TAF5L: variants seen among roughly 807,000 people sequenced by gnomAD.
The protein encoded by TAF5L is TAF5-like RNA polymerase II p300/CBP-associated factor-associated factor 65 kDa subunit 5L.
TAF5L carries 7 observed loss-of-function variants against 51.3 expected under a neutral mutation model. The observed-to-expected ratio is 0.14, with a 90% CI of 0.08 to 0.26. TAF5L has a LOEUF of 0.26. TAF5L is among the 10% of genes least tolerant of loss of function. The probability of loss-of-function intolerance (pLI) is 1.00; values close to 1 mark genes in which losing one functional copy is unlikely to be tolerated. For missense variants in TAF5L, 575 were observed against 758.9 expected (o/e 0.76, Z 2.85); for synonymous variants, 291 against 308.1 (o/e 0.94, Z 0.58).
intron 4 of TAF5L, among the ~76,000 whole-genome samples, chr1:229,597,974 A>C (rs1287495501): frequency 6.6e-6 from 1 of 152,170 alleles, no homozygotes; most frequent in Non-Finnish European, 1.5e-5. Flanking sequence ...TCTGGAATTT[A>C]GCCTCCATCT....
rs1484609394 is a variant in TAF5L at position 229,610,228 on chromosome 1, C to T, written c.143-18G>A. 1.2e-6 allele frequency: 2 copies of T among 1,611,620 alleles called. No individual in the cohort carries two copies. The highest frequency in any genetic ancestry group is 2.2e-5 in the East Asian group (1 of 44,874). ...TGATTGCACTAAAGAGGAGAAGATA[C>T]ACAAGTCAGGGCGGGAAACAGAGAG... On this transcript the variant is annotated intron_variant, in intron 2 of 4. Transcript: ENST00000258281.
At chr1:229,596,538 G>T (rs972322756) in intron 4 of TAF5L, among the ~76,000 whole-genome samples, 1 of 152,176 alleles carries the variant, frequency 6.6e-6, no homozygotes, top group Admixed American at 6.5e-5. Flanking sequence ...GGATTCAGAA[G>T]TGCTTGAAGC....
rs1454606175 is a variant in TAF5L, at chr1:229,625,575, G to A, written c.-4+310C>T. Among the ~76,000 whole-genome samples the A allele has an allele frequency of 2.0e-5, 3 of 151,378 alleles. No homozygotes were observed. Among genetic ancestry groups the A allele is most frequent in the South Asian group, 2.1e-4 (1 of 4,788 alleles). On this transcript the variant is annotated intron_variant, in intron 1 of 4. Transcript: ENST00000258281. This position sits in a 1 kb window ranked among gnomAD's most constrained non-coding sequence, Gnocchi z 4.0. ...CGCCCGCCACCTCCTCCCCGAGCCCGGCATCCAACCCGCAGGACCCACCCC... is the reference window on the plus strand; with the variant it reads ...CGCCCGCCACCTCCTCCCCGAGCCCAGCATCCAACCCGCAGGACCCACCCC...
chr1:229,602,641 T>A lies in TAF5L; in HGVS notation c.526A>T (p.Ile176Phe). 6.2e-7 allele frequency: 1 copy of A among 1,614,186 alleles called. No homozygotes were observed. Among genetic ancestry groups the A allele is most frequent in the Non-Finnish European group, 8.5e-7 (1 of 1,180,038 alleles). ...TTGTTGTCACTTTGGAGGTAGCGGA[T>A]AAGGTAGTTGTAGCTGTCTTCTTGG... Residue 176 changes from isoleucine to phenylalanine, a missense_variant, in exon 4 of 5, where the codon ATC becomes TTC. Physicochemically the swap from Ile to Phe is conservative, Grantham distance 21. Around this residue, in one of 3 missense-constraint regions of TAF5L, gnomAD observed 380 missense variants for 443.7 expected, o/e 0.86. Coordinates refer to ENST00000258281, the Ensembl canonical transcript of TAF5L. This position sits in a 1 kb window ranked among gnomAD's most constrained non-coding sequence, Gnocchi z 4.6.
rs1021560388 is a variant in TAF5L, at chr1:229,618,914, G to C, written c.-3-4429C>G. On this transcript the variant is annotated intron_variant, in intron 1 of 4. Transcript: ENST00000258281. ...CTCCCCCTGCCCCAATAAGGTGGCA[G>C]TTTTGAGTAGGGGTGAGTTCAAGAT... Among the ~76,000 whole-genome samples, 5 of 152,298 alleles carry C rather than the reference G, an allele frequency of 3.3e-5. No homozygotes were observed. In the East Asian group the frequency reaches 9.6e-4, roughly 29 times the overall value.
exon 3 of TAF5L, chr1:229,610,164 G>A (rs1664736555): frequency 6.2e-7 from 1 of 1,614,024 alleles, no homozygotes; most frequent in African/African-American, 1.3e-5. Flanking sequence ...GTTCTGCCTG[G>A]CAAGGGGCTG....
At chr1:229,600,064 A>T in intron 4 of TAF5L, 1 of 976,820 alleles carries the variant, frequency 1.0e-6, no homozygotes, top group South Asian at 4.7e-5. Flanking sequence ...TTTAATATTC[A>T]ATATTTCATT....
At chr1:229,617,782 G>A (rs568110047) in intron 1 of TAF5L, among the ~76,000 whole-genome samples, 1 of 152,296 alleles carries the variant, frequency 6.6e-6, no homozygotes, top group East Asian at 1.9e-4. Context: ...ATTTAAGATT[G>A]CTAGAAACTA....
At chr1:229,610,313 C>T in intron 2 of TAF5L, 103 bp from the exon 3 acceptor site, 3 of 995,018 alleles carry the variant, frequency 3.0e-6, no homozygotes, top group Non-Finnish European at 4.6e-6. Context: ...CACACACGCA[C>T]AGCAACTGAC....
At chr1:229,611,124 C>T (rs923925737) in intron 2 of TAF5L, among the ~76,000 whole-genome samples, 1 of 152,046 alleles carries the variant, frequency 6.6e-6, no homozygotes, top group Non-Finnish European at 1.5e-5. Flanking sequence ...AAGTTGGACT[C>T]ACCAGGGAAG....
At chr1:229,618,871 T>C (rs1057434238) in intron 1 of TAF5L, among the ~76,000 whole-genome samples, 1 of 152,056 alleles carries the variant, frequency 6.6e-6, no homozygotes, top group Non-Finnish European at 1.5e-5. Flanking sequence ...AAAAGAGTAC[T>C]ACCTGGCTCC....
chr1:229,614,533 G>A, intron 1 of TAF5L, 48 bp from the exon 2 acceptor site: 3 of 1,602,642 alleles, frequency 1.9e-6, no homozygotes, highest in Non-Finnish European at 2.6e-6. Context: ...GGGCCTGGGA[G>A]AGCAACCTAT....
intron 3 of TAF5L, among the ~76,000 whole-genome samples, chr1:229,605,751 T>C (rs1374184077): frequency 1.3e-5 from 2 of 152,158 alleles, no homozygotes; most frequent in Non-Finnish European, 2.9e-5. Context: ...TATCTTCCCC[T>C]AGTAGAAGGA....
chr1:229,597,341 A>G (rs1558143674), intron 4 of TAF5L, among the ~76,000 whole-genome samples: 1 of 152,254 alleles, frequency 6.6e-6, no homozygotes, highest in Non-Finnish European at 1.5e-5. Context: ...TGCATGGGCT[A>G]GGAGCATGGG....
rs559640663 is a variant in TAF5L, at chr1:229,594,428, G to T, written c.1639C>A (p.Pro547Thr). ...AGCTCGCTGGAGGAGCCGTCGGCAGGTGCACTGCAGTAAGTGTTCCTGATG... is the reference window on the plus strand; with the variant it reads ...AGCTCGCTGGAGGAGCCGTCGGCAGTTGCACTGCAGTAAGTGTTCCTGATG... The change falls in exon 5 of 5, where the codon CCT becomes ACT. Residue 547 changes from proline (P) to threonine (T), a missense_variant. Physicochemically the swap from Pro to Thr is conservative, Grantham distance 38. This residue lies in a region of TAF5L where 91 missense variants were observed against 96.9 expected (regional missense o/e 0.94). Transcript: ENST00000258281. The surrounding 1 kb of genome is among the most constrained non-coding windows in gnomAD (Gnocchi z 7.9). 10 of 1,614,100 alleles carry T rather than the reference G, an allele frequency of 6.2e-6. No homozygotes were observed. The highest frequency in any genetic ancestry group is 8.5e-6 in the Non-Finnish European group (10 of 1,180,048).
chr1:229,612,254 A>G (rs1301264686), intron 2 of TAF5L, among the ~76,000 whole-genome samples: 1 of 152,256 alleles, frequency 6.6e-6, no homozygotes, highest in Non-Finnish European at 1.5e-5. Context: ...TTCCAGCAAT[A>G]ACACTTTCTC....
At chr1:229,595,014 G>A (rs375290520) in exon 5 of TAF5L, 11 of 1,614,062 alleles carry the variant, frequency 6.8e-6, no homozygotes, top group Admixed American at 5.0e-5. Context: ...AGCTGTCCGC[G>A]AGGAACCTCG....
chr1:229,614,004 C>A (rs1182116738), intron 2 of TAF5L, among the ~76,000 whole-genome samples: 2 of 152,142 alleles, frequency 1.3e-5, no homozygotes, highest in Non-Finnish European at 2.9e-5. Context: ...CAGAGGGAGA[C>A]CCTGTCCCTA....
At position 229,594,170 on chromosome 1, in the gene TAF5L, A is replaced by C; in HGVS notation, c.*127T>G. On this transcript the variant is annotated 3_prime_UTR_variant, in exon 5 of 5. Transcript: ENST00000258281. This position sits in a 1 kb window ranked among gnomAD's most constrained non-coding sequence, Gnocchi z 7.9. ...CTGAGTGAAGGGGGACCTGCCCGGA[A>C]TGAGGGCCCAGGAGAGAGGGGAGGA... The C allele has an allele frequency of 8.9e-5, 94 of 1,053,580 alleles. No homozygotes were observed. Among genetic ancestry groups the C allele is most frequent in the Non-Finnish European group, 1.0e-4 (74 of 743,110 alleles). The allele number at this position is 1,053,580 out of a possible 1,614,324, so 65.3% of individuals were successfully genotyped here.
Sources: allele counts gnomAD v4.1 joint callset (sites outside exome capture counted in the v4.1 genomes callset), GRCh38; gene constraint gnomAD v4.1.1; regional missense constraint gnomAD v4.1.1; non-coding constraint Gnocchi (gnomAD v3.1); transcripts MANE v1.5; gene names NCBI Gene and HGNC (gene_info 2026-07-23, HGNC 2026-07-21).